RAD51AP1: variants seen among roughly 807,000 people sequenced by gnomAD.
The protein encoded by RAD51AP1 is RAD51 associated protein 1, also known as RAD51-associated protein 1.
Under a neutral mutation model 34.3 loss-of-function variants are expected in RAD51AP1, and 14 were observed. The ratio of observed to expected loss-of-function variants is 0.41; its 90% CI spans 0.27 to 0.64. The LOEUF (loss-of-function observed/expected upper bound fraction) is 0.64. Ranked by LOEUF, RAD51AP1 falls within the 30% of genes least tolerant of loss-of-function variation. RAD51AP1 has a pLI of 0.33. For synonymous variants in RAD51AP1, 114 were observed against 129.8 expected, an observed-to-expected ratio of 0.88 and a Z score of 0.83; for missense variants, 348 against 386.9, an observed-to-expected ratio of 0.90 and a Z score of 0.84.
Position 4,548,754 on chromosome 12 carries a change from A to T in RAD51AP1, c.474A>T (p.Lys158Asn). 1 of 1,614,084 alleles carries T rather than the reference A, an allele frequency of 6.2e-7. No homozygotes were observed. The highest frequency in any genetic ancestry group is 8.5e-7 in the Non-Finnish European group (1 of 1,179,916). The change falls in exon 6 of 9, where the codon AAA (lysine) becomes AAT (asparagine). Residue 158 changes from lysine to asparagine, a missense_variant. Coordinates refer to ENST00000352618, the MANE Select transcript of RAD51AP1 (RefSeq NM_006479.5). The stretch of plus-strand genomic sequence containing the variant: ...AAGGGAAAAGAAAAGCAGCATCTAA[A>T]GCTGCAGCACAGCAGAGGAAGATTC... ...GVQGKRKAAS[K>N]AAAQQRKILL...
In RAD51AP1 at chr12:4,558,884, G is replaced by A. The variant is rs1246486970; in HGVS notation, c.899G>A (p.Ser300Asn). The A allele has an allele frequency of 6.2e-7, 1 of 1,614,040 alleles. No individual in the cohort carries two copies. The highest frequency in any genetic ancestry group is 8.5e-7 in the Non-Finnish European group (1 of 1,179,940). ...GCATCTGGAGGTAGCAGAAGTAGCA[G>A]CAGCCCACTGGTGGTAGTGTCTGTG... ...PAASGGSRSSSSPLVVVSVKS... is the reference protein window; with the variant it reads ...PAASGGSRSSNSPLVVVSVKS... Residue 300 changes from serine to asparagine, a missense_variant, in exon 9 of 9, where the codon AGC becomes AAC. Coordinates refer to ENST00000352618, the MANE Select transcript of RAD51AP1 (RefSeq NM_006479.5).
At chr12:4,541,654 C>T (rs376473124) in intron 1 of RAD51AP1, among the ~76,000 whole-genome samples, 3 of 152,012 alleles carry the variant, frequency 2.0e-5, no homozygotes, top group South Asian at 2.1e-4. Flanking sequence ...TAAATCCCCG[C>T]GGTAAAATGC....
chr12:4,547,264 A>G (rs892929628), intron 4 of RAD51AP1, among the ~76,000 whole-genome samples: 4 of 151,904 alleles, frequency 2.6e-5, no homozygotes, highest in Admixed American at 2.0e-4. Context: ...GGGTCTCACT[A>G]TGTTGCGCAT....
intron 6 of RAD51AP1, among the ~76,000 whole-genome samples, chr12:4,549,114 A>T (rs1303940683): frequency 2.0e-5 from 3 of 152,232 alleles, no homozygotes; most frequent in Non-Finnish European, 2.9e-5. Flanking sequence ...GGAATAGACA[A>T]ATGCTCTATT....
intron 6 of RAD51AP1, among the ~76,000 whole-genome samples, 186 bp from the exon 7 acceptor site, chr12:4,552,797 A>C (rs1030360382): frequency 6.6e-6 from 1 of 152,262 alleles, no homozygotes; most frequent in Non-Finnish European, 1.5e-5. Context: ...ACTGAGGCTC[A>C]GTGAAGTTAG....
chr12:4,544,534 G>A (rs1944492157), intron 3 of RAD51AP1, among the ~76,000 whole-genome samples: 1 of 152,180 alleles, frequency 6.6e-6, no homozygotes, highest in Non-Finnish European at 1.5e-5. Flanking sequence ...GTTTCTCTAT[G>A]AAAAGTGAGT....
In RAD51AP1 at chr12:4,548,098, A is replaced by G; in HGVS notation, c.326A>G (p.Glu109Gly). The change falls in exon 5 of 9, where the codon GAA (glutamate) becomes GGA (glycine). Residue 109 changes from glutamate to glycine, a missense_variant. Coordinates refer to ENST00000352618, the MANE Select transcript of RAD51AP1 (RefSeq NM_006479.5). The part of the protein sequence containing the change: ...NVQNSQDKSI[E>G]KHGSSKIETM... ...TCTTATTCCTTATATTTAGGCATTG[A>G]AAAACATGGCAGTAGTAAAATAGAA... The G allele has an allele frequency of 6.3e-7, 1 of 1,597,140 alleles. No homozygotes were observed. Among genetic ancestry groups the G allele is most frequent in the Non-Finnish European group, 8.5e-7 (1 of 1,175,796 alleles).
chr12:4,548,080 C>T lies in RAD51AP1; in HGVS notation c.320-12C>T. 1 of 1,580,462 alleles carries T rather than the reference C, an allele frequency of 6.3e-7. No individual in the cohort carries two copies. Among genetic ancestry groups the T allele is most frequent in the Non-Finnish European group, 8.5e-7 (1 of 1,170,428 alleles). On this transcript the variant is annotated splice_polypyrimidine_tract_variant and intron_variant, in intron 4 of 8. Transcript: ENST00000352618. ...ATATATCTGAATTTTCTTTCTTATT[C>T]CTTATATTTAGGCATTGAAAAACAT... is the stretch of plus-strand genomic sequence containing the variant.
chr12:4,553,189 A>G (rs1280302365), intron 7 of RAD51AP1, 42 bp downstream of exon 7: 4 of 1,416,356 alleles, frequency 2.8e-6, no homozygotes, highest in South Asian at 1.5e-5. Flanking sequence ...AAGGAAATGT[A>G]TGTGGTTTGT....
intron 7 of RAD51AP1, among the ~76,000 whole-genome samples, chr12:4,555,839 C>A (rs1390417880): frequency 6.6e-6 from 1 of 152,202 alleles, no homozygotes; most frequent in Non-Finnish European, 1.5e-5. Context: ...TCCCTTACCA[C>A]ACTGCATTTT....
At chr12:4,542,183 T>C (rs1336656896) in intron 2 of RAD51AP1, among the ~76,000 whole-genome samples, 1 of 152,180 alleles carries the variant, frequency 6.6e-6, no homozygotes, top group African/African-American at 2.4e-5. Flanking sequence ...AAGTCCATAG[T>C]TGCAACATAG....
chr12:4,556,890 G>T (rs1944586720), intron 8 of RAD51AP1, among the ~76,000 whole-genome samples: 1 of 152,182 alleles, frequency 6.6e-6, no homozygotes, highest in Non-Finnish European at 1.5e-5. Flanking sequence ...GACCTCCACA[G>T]TCTGACTGAA....
At chr12:4,543,067 T>TC (rs1944480083) in intron 2 of RAD51AP1, among the ~76,000 whole-genome samples, 1 of 151,990 alleles carries the variant, frequency 6.6e-6, no homozygotes, top group Admixed American at 6.5e-5. Context: ...GGCTTTTTTT[T>TC]CTCTTTTTTT....
At chr12:4,539,970 C>A (rs767782026) in intron 1 of RAD51AP1, among the ~76,000 whole-genome samples, 3 of 151,968 alleles carry the variant, frequency 2.0e-5, no homozygotes, top group African/African-American at 7.3e-5. Context: ...GTGACCAGAA[C>A]GGGAGCAGGA....
intron 7 of RAD51AP1, chr12:4,553,376 CT>C (rs1415807693): frequency 6.0e-5 from 15 of 250,610 alleles, no homozygotes; most frequent in African/African-American, 3.4e-4. Flanking sequence ...GTACTCATGG[CT>C]GCCGTCTGTG....
At chr12:4,545,607 A>G (rs762332717) in intron 3 of RAD51AP1, among the ~76,000 whole-genome samples, 34 of 152,344 alleles carry the variant, frequency 2.2e-4, no homozygotes, top group Non-Finnish European at 4.7e-4. Flanking sequence ...TAAATTCTTT[A>G]AGGTACATCT....
chr12:4,548,929 C>T (rs1944526496), intron 6 of RAD51AP1, 93 bp downstream of exon 6: 1 of 1,390,760 alleles, frequency 7.2e-7, no homozygotes, highest in African/African-American at 1.4e-5. Context: ...TGTGTTAAAC[C>T]TTTGGGGTGT....
chr12:4,550,701 A>G (rs773330885), intron 6 of RAD51AP1, among the ~76,000 whole-genome samples: 2 of 152,250 alleles, frequency 1.3e-5, no homozygotes, highest in Admixed American at 6.5e-5. Flanking sequence ...GTGTAGTGGC[A>G]CGATCTTGGC....
At chr12:4,551,444 A>G (rs994001585) in intron 6 of RAD51AP1, among the ~76,000 whole-genome samples, 3 of 145,960 alleles carry the variant, frequency 2.1e-5, no homozygotes, top group Admixed American at 7.0e-5. Flanking sequence ...GCAGTGAGCC[A>G]GGATTGTGCC....
Sources: allele counts gnomAD v4.1 joint callset (sites outside exome capture counted in the v4.1 genomes callset), GRCh38; gene constraint gnomAD v4.1.1; transcripts MANE v1.5; gene names NCBI Gene and HGNC (gene_info 2026-07-23, HGNC 2026-07-21).